KIRREL3: variants seen among roughly 807,000 people sequenced by gnomAD.
KIRREL3 encodes kirre like nephrin family adhesion molecule 3.
A neutral mutation model predicts 89.7 loss-of-function variants in KIRREL3; 36 were observed. The ratio of observed to expected loss-of-function variants is 0.40; its 90% CI spans 0.31 to 0.53. The LOEUF is 0.53. Ranked by LOEUF, KIRREL3 falls within the 20% of genes least tolerant of loss-of-function variation. The pLI is 0.49. For missense variants in KIRREL3, 864 were observed against 1,056.6 expected (o/e 0.82, Z 2.53); for synonymous variants, 445 against 441.4 (o/e 1.01, Z -0.10).
At chr11:126,947,824 C>T (rs530470134) in intron 1 of KIRREL3, among the ~76,000 whole-genome samples, 6 of 152,202 alleles carry the variant, frequency 3.9e-5, no homozygotes, top group Admixed American at 2.6e-4. Flanking sequence ...GCTGGCTGTT[C>T]AGACTAATCA....
In KIRREL3 at chr11:126,805,646, A is replaced by G. The variant is rs1008407435; in HGVS notation, c.55+194809T>C. Among the ~76,000 whole-genome samples, 14 of 152,200 alleles carry G rather than the reference A, an allele frequency of 9.2e-5. No homozygotes were observed. Among genetic ancestry groups the G allele is most frequent in the African/African-American group, 3.4e-4 (14 of 41,450 alleles). ...AACATTTATTTTCAGGGTGATTGCT[A>G]AACTCCACAGTACAAAGTATGTAAT... On this transcript the variant is annotated intron_variant, in intron 1 of 16. Coordinates refer to ENST00000525144, the MANE Select transcript of KIRREL3 (RefSeq NM_032531.4). This position sits in a 1 kb window ranked among gnomAD's most constrained non-coding sequence, Gnocchi z 4.3.
rs1957498089 is a variant in KIRREL3, at chr11:126,491,060, T to C, written c.434-17594A>G. Among the ~76,000 whole-genome samples the C allele has an allele frequency of 6.6e-6, 1 of 151,970 alleles. No individual in the cohort carries two copies. Among genetic ancestry groups the C allele is most frequent in the Admixed American group, 6.6e-5 (1 of 15,250 alleles). Reference sequence around the variant, plus strand: ...GGGTCCATCCCGTAGTGGAAAGGGGTCCTATGTGAACAGAAGGGAGGGCTT... The same window carrying C: ...GGGTCCATCCCGTAGTGGAAAGGGGCCCTATGTGAACAGAAGGGAGGGCTT... On this transcript the variant is annotated intron_variant, in intron 4 of 16. Transcript: ENST00000525144. The surrounding 1 kb of genome is among the most constrained non-coding windows in gnomAD (Gnocchi z 5.5).
intron 7 of KIRREL3, among the ~76,000 whole-genome samples, chr11:126,453,483 TAA>T (rs1399249223): frequency 6.6e-6 from 1 of 152,226 alleles, no homozygotes; most frequent in African/African-American, 2.4e-5. Flanking sequence ...TGAATGAAAG[TAA>T]AGAAACAAAG....
Position 126,683,916 on chromosome 11 carries a change from G to T in KIRREL3, c.56-121004C>A, listed in dbSNP as rs1435947240. 1.3e-5 allele frequency among the ~76,000 whole-genome samples: 2 copies of T among 152,238 alleles called. No individual in the cohort carries two copies. Among genetic ancestry groups the T allele is most frequent in the African/African-American group, 4.8e-5 (2 of 41,472 alleles). Reference sequence around the variant, plus strand: ...GGGTCACTGAGTCACTCCTGCCCAGGTCCCCCTTCAGGGACTGTCGTGGGC... The same window carrying T: ...GGGTCACTGAGTCACTCCTGCCCAGTTCCCCCTTCAGGGACTGTCGTGGGC... On this transcript the variant is annotated intron_variant, in intron 1 of 16. Transcript: ENST00000525144. The surrounding 1 kb of genome is among the most constrained non-coding windows in gnomAD (Gnocchi z 5.2).
At chr11:126,793,251 G>T (rs1220788436) in intron 1 of KIRREL3, among the ~76,000 whole-genome samples, 1 of 152,152 alleles carries the variant, frequency 6.6e-6, no homozygotes, top group African/African-American at 2.4e-5. Flanking sequence ...AAGCCACAGT[G>T]CACGGGGCTT....
chr11:126,999,008 G>A lies in KIRREL3; in HGVS notation c.55+1447C>T, dbSNP rs1362147728. Reference sequence around the variant, plus strand: ...AAGAAAGAGGGTAATCTTACCAAATGGTAATATAACTGAACCTGTCTCTAT... The same window carrying A: ...AAGAAAGAGGGTAATCTTACCAAATAGTAATATAACTGAACCTGTCTCTAT... On this transcript the variant is annotated intron_variant, in intron 1 of 16. Coordinates refer to ENST00000525144, the MANE Select transcript of KIRREL3 (RefSeq NM_032531.4). This position sits in a 1 kb window ranked among gnomAD's most constrained non-coding sequence, Gnocchi z 5.7. 2.7e-5 allele frequency among the ~76,000 whole-genome samples: 4 copies of A among 147,000 alleles called. No individual in the cohort carries two copies. The highest frequency in any genetic ancestry group is 2.1e-4 in the Admixed American group (3 of 14,602).
chr11:126,734,488 A>G lies in KIRREL3; in HGVS notation c.56-171576T>C, dbSNP rs900682550. ...AGACCAGCCTGACCAACATGGAGAA[A>G]CCCTGTCTCTACGAAAAATACAAAA... On this transcript the variant is annotated intron_variant, in intron 1 of 16. Transcript: ENST00000525144. The surrounding 1 kb of genome is among the most constrained non-coding windows in gnomAD (Gnocchi z 5.9). Among the ~76,000 whole-genome samples, 6 of 152,016 alleles carry G rather than the reference A, an allele frequency of 3.9e-5. No individual in the cohort carries two copies. The highest frequency in any genetic ancestry group is 8.8e-5 in the Non-Finnish European group (6 of 68,006).
rs1950120928 is a variant in KIRREL3 at position 126,994,396 on chromosome 11, T to C, written c.55+6059A>G. ...CAGAACAGCTCCACACAGAGCAGAT[T>C]CACCTATGCTGGCCATTATTTCCAT... On this transcript the variant is annotated intron_variant, in intron 1 of 16. Coordinates refer to ENST00000525144, the MANE Select transcript of KIRREL3 (RefSeq NM_032531.4). The surrounding 1 kb of genome is among the most constrained non-coding windows in gnomAD (Gnocchi z 5.2). Among the ~76,000 whole-genome samples, 1 of 152,204 alleles carries C rather than the reference T, an allele frequency of 6.6e-6. No individual in the cohort carries two copies. The highest frequency in any genetic ancestry group is 2.1e-4 in the South Asian group (1 of 4,826).
At chr11:126,979,152 C>T (rs915464964) in intron 1 of KIRREL3, among the ~76,000 whole-genome samples, 2 of 152,206 alleles carry the variant, frequency 1.3e-5, no homozygotes, top group East Asian at 1.9e-4. Context: ...CAAACACTCT[C>T]TTTTTGTTCC....
chr11:126,785,122 G>C (rs561501694), intron 1 of KIRREL3, among the ~76,000 whole-genome samples: 4 of 152,254 alleles, frequency 2.6e-5, no homozygotes, highest in African/African-American at 9.6e-5. Context: ...CTGAATCCTC[G>C]TGGGGGCAAG....
chr11:126,520,968 C>T lies in KIRREL3; in HGVS notation c.433+347G>A, dbSNP rs958369003. ...AGGGACCCACAGCCTGTGCCACATT[C>T]TTCCTGGCACGGAGCCTAGCCTAGA... On this transcript the variant is annotated intron_variant, in intron 4 of 16. Transcript: ENST00000525144. The surrounding 1 kb of genome is among the most constrained non-coding windows in gnomAD (Gnocchi z 4.9). 1.3e-5 allele frequency among the ~76,000 whole-genome samples: 2 copies of T among 152,206 alleles called. No individual in the cohort carries two copies. Among genetic ancestry groups the T allele is most frequent in the African/African-American group, 4.8e-5 (2 of 41,458 alleles).
chr11:126,424,403 G>C lies in KIRREL3; in HGVS notation c.*177C>G, dbSNP rs1342277173. The C allele has an allele frequency of 5.2e-6, 3 of 577,946 alleles. No individual in the cohort carries two copies. The highest frequency in any genetic ancestry group is 9.2e-6 in the Non-Finnish European group (3 of 327,572). 35.8% of individuals were successfully genotyped at this position (577,946 alleles called of 1,614,324 possible). A position where few individuals can be genotyped will look rare whatever the true frequency, so the allele number is the denominator to read the frequency against. ...CGCCCACCTCTGGCACACAGCACCTGGGGACCCAGATTTGTGCTTGATCAG... is the reference window on the plus strand; with the variant it reads ...CGCCCACCTCTGGCACACAGCACCTCGGGACCCAGATTTGTGCTTGATCAG... On this transcript the variant is annotated 3_prime_UTR_variant, in exon 17 of 17. Coordinates refer to ENST00000525144, the MANE Select transcript of KIRREL3 (RefSeq NM_032531.4).
intron 1 of KIRREL3, among the ~76,000 whole-genome samples, chr11:126,828,474 A>T (rs957735806): frequency 3.4e-4 from 51 of 152,212 alleles, no homozygotes; most frequent in African/African-American, 1.1e-3. Flanking sequence ...GTGGCAGTAT[A>T]AAATAATATG....
chr11:126,424,580 T>G lies in KIRREL3; in HGVS notation c.2337A>C (p.Ter779TyrextTer215). The G allele has an allele frequency of 6.2e-7, 1 of 1,613,616 alleles. No homozygotes were observed. The highest frequency in any genetic ancestry group is 8.5e-7 in the Non-Finnish European group (1 of 1,179,816). The change falls in exon 17 of 17, where the codon TAA becomes TAC. Residue 779 changes from the stop codon to tyrosine (Y), a stop_lost. Transcript: ENST00000525144. ...PLQRRMQTHV[*>Y] The stretch of plus-strand genomic sequence containing the variant: ...CGTCCCCACCCGCGGTGTGTGATCC[T>G]TAGACGTGAGTCTGCATCCGCCGCT...
At chr11:126,465,567 C>A (rs1956695520) in intron 5 of KIRREL3, among the ~76,000 whole-genome samples, 1 of 152,210 alleles carries the variant, frequency 6.6e-6, no homozygotes. Context: ...CTCGTGGCGT[C>A]AGGAGAACAG....
At chr11:126,592,885 G>C (rs571191225) in intron 1 of KIRREL3, among the ~76,000 whole-genome samples, 1 of 152,140 alleles carries the variant, frequency 6.6e-6, no homozygotes, top group Non-Finnish European at 1.5e-5. Flanking sequence ...TGAGAGAACC[G>C]ATGCAGGCTG....
At position 126,843,865 on chromosome 11, in the gene KIRREL3, C is replaced by T. The variant is rs1006929734; in HGVS notation, c.55+156590G>A. ...CCATGACAGTTTACAAATGCCATGG[C>T]AACATCAGAAAGTTACCCTACCTGG... is the stretch of plus-strand genomic sequence containing the variant. On this transcript the variant is annotated intron_variant, in intron 1 of 16. Coordinates refer to ENST00000525144, the MANE Select transcript of KIRREL3 (RefSeq NM_032531.4). The surrounding 1 kb of genome is among the most constrained non-coding windows in gnomAD (Gnocchi z 4.6). 1.3e-5 allele frequency among the ~76,000 whole-genome samples: 2 copies of T among 152,126 alleles called. No homozygotes were observed. The highest frequency in any genetic ancestry group is 2.9e-5 in the Non-Finnish European group (2 of 68,038).
chr11:126,791,016 G>C lies in KIRREL3; in HGVS notation c.55+209439C>G, dbSNP rs772643488. Among the ~76,000 whole-genome samples the C allele has an allele frequency of 6.6e-6, 1 of 152,164 alleles. No individual in the cohort carries two copies. The highest frequency in any genetic ancestry group is 2.4e-5 in the African/African-American group (1 of 41,440). ...AACTGGGTGGTGTGGAGGATTTGTC[G>C]ATGAGAATGCAAATGAGCATGATGT... is the stretch of plus-strand genomic sequence containing the variant. On this transcript the variant is annotated intron_variant, in intron 1 of 16. Coordinates refer to ENST00000525144, the MANE Select transcript of KIRREL3 (RefSeq NM_032531.4). This position sits in a 1 kb window ranked among gnomAD's most constrained non-coding sequence, Gnocchi z 4.8.
chr11:126,450,701 G>A (rs1293464691), intron 7 of KIRREL3, among the ~76,000 whole-genome samples: 1 of 150,098 alleles, frequency 6.7e-6, no homozygotes, highest in South Asian at 2.1e-4. Flanking sequence ...TGTGGTGCGT[G>A]CATGTGCGAG....
Sources: allele counts gnomAD v4.1 joint callset (sites outside exome capture counted in the v4.1 genomes callset), GRCh38; gene constraint gnomAD v4.1.1; non-coding constraint Gnocchi (gnomAD v3.1); transcripts MANE v1.5; gene names NCBI Gene and HGNC (gene_info 2026-07-23, HGNC 2026-07-21).